The following CDK14 variants were observed in gnomAD, a reference collection of about 807,000 sequenced individuals.
CDK14 encodes cyclin-dependent kinase 14.
A neutral mutation model predicts 60.7 loss-of-function variants in CDK14; 34 were observed. The observed-to-expected ratio is 0.56, with a 90% CI of 0.43 to 0.75. The LOEUF is 0.75. Ranked by LOEUF, CDK14 falls within the 30% of genes least tolerant of loss-of-function variation. The pLI is 0.00. For synonymous variants in CDK14, 197 were observed against 203.7 expected (o/e 0.97, Z 0.28); for missense variants, 482 against 564.1 (o/e 0.85, Z 1.47).
At chr7:90,851,774 G>T (rs920225604) in intron 5 of CDK14, among the ~76,000 whole-genome samples, 1 of 149,472 alleles carries the variant, frequency 6.7e-6, no homozygotes, top group South Asian at 2.1e-4. Context: ...TTGAATACCT[G>T]TTTTTTTTTT....
At chr7:90,969,612 G>C (rs1160100817) in intron 9 of CDK14, among the ~76,000 whole-genome samples, 2 of 152,134 alleles carry the variant, frequency 1.3e-5, no homozygotes, top group African/African-American at 4.8e-5. Flanking sequence ...GATGTGCAAG[G>C]CTTATTAATT....
At chr7:91,085,645 C>A (rs1220295268) in intron 12 of CDK14, among the ~76,000 whole-genome samples, 1 of 152,152 alleles carries the variant, frequency 6.6e-6, no homozygotes. Context: ...AATCCGGAGT[C>A]ATGGAGTGAA....
At chr7:91,174,623 G>C (rs1801660684) in intron 14 of CDK14, among the ~76,000 whole-genome samples, 1 of 135,630 alleles carries the variant, frequency 7.4e-6, no homozygotes, top group Non-Finnish European at 1.6e-5. Flanking sequence ...GGAGCTGATG[G>C]AGCTGAAAAC....
chr7:90,700,495 G>A (rs1187137981), intron 2 of CDK14, among the ~76,000 whole-genome samples: 1 of 152,150 alleles, frequency 6.6e-6, no homozygotes, highest in Non-Finnish European at 1.5e-5. Context: ...TACCAGAGGG[G>A]AGAAAAGAAC....
At chr7:91,035,267 T>C (rs907367976) in intron 10 of CDK14, among the ~76,000 whole-genome samples, 2 of 152,220 alleles carry the variant, frequency 1.3e-5, no homozygotes, top group African/African-American at 4.8e-5. Context: ...AGGATTAAAC[T>C]AGTGCACTGT....
At chr7:90,959,053 G>A (rs1003211534) in intron 9 of CDK14, among the ~76,000 whole-genome samples, 2 of 151,864 alleles carry the variant, frequency 1.3e-5, no homozygotes, top group Non-Finnish European at 2.9e-5. Context: ...TTTCTTCCTC[G>A]TGTGTGTGTG....
intron 4 of CDK14, among the ~76,000 whole-genome samples, chr7:90,756,921 A>T (rs1804084703): frequency 6.6e-6 from 1 of 152,204 alleles, no homozygotes; most frequent in African/African-American, 2.4e-5. Flanking sequence ...GTTGGTTTAC[A>T]GGTGTCATGT....
chr7:90,963,291 G>GT (rs1369513851), intron 9 of CDK14, among the ~76,000 whole-genome samples: 1 of 151,920 alleles, frequency 6.6e-6, no homozygotes, highest in African/African-American at 2.4e-5. Flanking sequence ...CCATGGTAGA[G>GT]TGTGCCTATA....
At chr7:90,949,265 C>A (rs113240417) in intron 8 of CDK14, among the ~76,000 whole-genome samples, 1 of 151,916 alleles carries the variant, frequency 6.6e-6, no homozygotes, top group South Asian at 2.1e-4. Context: ...AGCAGTGATG[C>A]GATCTCGGCT....
intron 10 of CDK14, among the ~76,000 whole-genome samples, chr7:90,988,737 C>T (rs774669743): frequency 6.6e-6 from 1 of 150,822 alleles, no homozygotes; most frequent in Non-Finnish European, 1.5e-5. Flanking sequence ...TTCTGGGTCT[C>T]TGTGGCTCAT....
At chr7:91,094,389 G>C (rs1798919704) in intron 12 of CDK14, among the ~76,000 whole-genome samples, 1 of 152,120 alleles carries the variant, frequency 6.6e-6, no homozygotes, top group South Asian at 2.1e-4. Flanking sequence ...AGTAAGGTCA[G>C]TTTAATTTTT....
At chr7:90,817,844 T>G (rs1212368607) in intron 5 of CDK14, among the ~76,000 whole-genome samples, 1 of 152,206 alleles carries the variant, frequency 6.6e-6, no homozygotes, top group Non-Finnish European at 1.5e-5. Context: ...GGAGTAGCTC[T>G]TCTCCTCTGC....
rs374248749 is a variant in CDK14, at chr7:90,651,769, C to T, written c.123+47520C>T. Among the ~76,000 whole-genome samples, 202 of 151,766 alleles carry T rather than the reference C, an allele frequency of 1.3e-3. 3 individuals are homozygous for T. In the Middle Eastern group the frequency reaches 0.02, roughly 15 times the overall value. On this transcript the variant is annotated intron_variant, in intron 2 of 14. Transcript: ENST00000380050. ...TTTTTTTTTTCATTTTTTTAATGCT[C>T]GTAGCCATTGACTTCATGGATCTGG...
chr7:90,596,754 C>G lies in CDK14; in HGVS notation c.91+36C>G, dbSNP rs566078856. On this transcript the variant is annotated intron_variant, in intron 1 of 14. Transcript: ENST00000380050. The stretch of plus-strand genomic sequence containing the variant: ...CGCTGCCCCCGGCCCCCCCAGCGCC[C>G]GCTCCCCTCGGCCTGCGCCCCCGCC... The G allele has an allele frequency of 2.4e-4, 378 of 1,548,502 alleles. No homozygotes were observed. The African/African-American group carries it at 4.3e-3, about 18-fold the overall frequency.
At position 91,173,178 on chromosome 7, in the gene CDK14, A is replaced by T. The variant is rs373074941; in HGVS notation, c.*29-33987A>T. On this transcript the variant is annotated intron_variant, in intron 14 of 14. Transcript: ENST00000380050. Reference sequence around the variant, plus strand: ...ACTTACTGGTGTCAGAAAAGCCTCCATGTAATCAAACCAGGTTCATTCTAG... The same window carrying T: ...ACTTACTGGTGTCAGAAAAGCCTCCTTGTAATCAAACCAGGTTCATTCTAG... Among the ~76,000 whole-genome samples, 3 of 296 alleles carry T rather than the reference A, an allele frequency of 0.01. No homozygotes were observed. In the Admixed American group the frequency reaches 0.15, roughly 15 times the overall value. The allele number at this position is 296 out of a possible 152,430, so 0.2% of individuals were successfully genotyped here. A position where few individuals can be genotyped will look rare whatever the true frequency, so the allele number is the denominator to read the frequency against.
intron 14 of CDK14, among the ~76,000 whole-genome samples, chr7:91,192,260 A>G (rs1003150672): frequency 2.0e-5 from 3 of 152,186 alleles, no homozygotes; most frequent in Non-Finnish European, 4.4e-5. Context: ...AAGTAAGACC[A>G]TAGAAGATGG....
chr7:91,044,331 G>T (rs1001456239), intron 10 of CDK14, among the ~76,000 whole-genome samples: 1 of 152,222 alleles, frequency 6.6e-6, no homozygotes, highest in African/African-American at 2.4e-5. Context: ...GGAATCAATA[G>T]AAAGGAATGT....
At chr7:91,110,653 A>C (rs1437903003) in intron 12 of CDK14, among the ~76,000 whole-genome samples, 1 of 152,212 alleles carries the variant, frequency 6.6e-6, no homozygotes, top group Non-Finnish European at 1.5e-5. Flanking sequence ...CAATGTAACA[A>C]CATACAGTTT....
At chr7:90,833,716 A>G (rs138513283) in intron 5 of CDK14, among the ~76,000 whole-genome samples, 191 of 152,308 alleles carry the variant, frequency 1.3e-3, no homozygotes, top group African/African-American at 4.4e-3. Context: ...AATCATTAGT[A>G]TGGCTTCAAA....
Sources: allele counts gnomAD v4.1 joint callset (sites outside exome capture counted in the v4.1 genomes callset), GRCh38; gene constraint gnomAD v4.1.1; transcripts MANE v1.5; gene names NCBI Gene and HGNC (gene_info 2026-07-23, HGNC 2026-07-21).